The following DTNB variants were observed in gnomAD, a reference collection of about 807,000 sequenced individuals.
DTNB encodes the protein DTN-B.
DTNB carries 63 observed loss-of-function variants against 90.7 expected under a neutral mutation model. The observed-to-expected ratio is 0.69, with a 90% CI of 0.57 to 0.86. DTNB has a LOEUF of 0.86. Among genes scored for constraint, DTNB ranks in the 40% least tolerant of loss-of-function variants. DTNB has a pLI of 0.00. For missense variants in DTNB, 744 were observed against 807.1 expected (o/e 0.92, Z 0.95); for synonymous variants, 277 against 286.7 (o/e 0.97, Z 0.34).
chr2:25,597,587 C>G (rs2064908031), intron 5 of DTNB, among the ~76,000 whole-genome samples: 1 of 151,916 alleles, frequency 6.6e-6, no homozygotes, highest in Admixed American at 6.6e-5. Flanking sequence ...GAAGAAATTA[C>G]CAAAGGAATG....
At chr2:25,462,945 C>T (rs530747172) in intron 10 of DTNB, among the ~76,000 whole-genome samples, 148 of 152,326 alleles carry the variant, frequency 9.7e-4, no homozygotes, top group African/African-American at 3.4e-3. Flanking sequence ...CCTCGTGATC[C>T]ACCCGCCTCG....
In DTNB at chr2:25,451,307, T is replaced by A. The variant is rs2059243364; in HGVS notation, c.1257+241A>T. On this transcript the variant is annotated intron_variant, in intron 12 of 20. Transcript: ENST00000406818. ...GGTGAAAGTGGATATCTCTGAATTG[T>A]TCCCAATATTAGGGGGAAATATTTC... Among the ~76,000 whole-genome samples, 4 of 152,206 alleles carry A rather than the reference T, an allele frequency of 2.6e-5. No homozygotes were observed. The South Asian group carries it at 8.3e-4, about 31-fold the overall frequency.
intron 16 of DTNB, among the ~76,000 whole-genome samples, chr2:25,409,720 T>C (rs1445058947): frequency 6.6e-6 from 1 of 152,214 alleles, no homozygotes; most frequent in Non-Finnish European, 1.5e-5. Flanking sequence ...TGCAACTATC[T>C]GGGCTTCCAA....
At chr2:25,545,264 ATTTC>A (rs142500921) in intron 8 of DTNB, among the ~76,000 whole-genome samples, 15 of 152,082 alleles carry the variant, frequency 9.9e-5, no homozygotes, top group Non-Finnish European at 1.3e-4. Flanking sequence ...TCCCAATTTC[ATTTC>A]TTTAACTTTT....
At chr2:25,435,550 T>C (rs2055457795) in intron 12 of DTNB, among the ~76,000 whole-genome samples, 1 of 152,246 alleles carries the variant, frequency 6.6e-6, no homozygotes, top group Non-Finnish European at 1.5e-5. Context: ...AGTTCACCCA[T>C]GTTGTACCAC....
At chr2:25,383,756 G>C (rs2149511843) in intron 19 of DTNB, 80 bp downstream of exon 19, 1 of 1,613,192 alleles carries the variant, frequency 6.2e-7, no homozygotes, top group Admixed American at 1.7e-5. Context: ...AGGGAGGAAT[G>C]CAGAAACAAA....
At chr2:25,597,170 G>C (rs2064825376) in intron 5 of DTNB, among the ~76,000 whole-genome samples, 1 of 151,714 alleles carries the variant, frequency 6.6e-6, no homozygotes. Context: ...CCCTACAAAA[G>C]AAATTTAAAA....
intron 3 of DTNB, among the ~76,000 whole-genome samples, chr2:25,636,031 A>T (rs921168767): frequency 2.6e-5 from 4 of 152,206 alleles, no homozygotes; most frequent in Non-Finnish European, 4.4e-5. Flanking sequence ...TTCATATTCA[A>T]TGAATGAATA....
chr2:25,584,180 T>A (rs1281489965), intron 6 of DTNB, among the ~76,000 whole-genome samples: 2 of 152,232 alleles, frequency 1.3e-5, no homozygotes, highest in Admixed American at 6.5e-5. Flanking sequence ...TAAGACATTA[T>A]TGGTCTTTTT....
intron 20 of DTNB, among the ~76,000 whole-genome samples, chr2:25,378,874 G>A (rs2036673593): frequency 6.6e-6 from 1 of 152,204 alleles, no homozygotes; most frequent in Non-Finnish European, 1.5e-5. Context: ...GCAGTGCTGG[G>A]TGACAGAATC....
chr2:25,457,538 G>A (rs539730289), intron 10 of DTNB, among the ~76,000 whole-genome samples: 8 of 152,204 alleles, frequency 5.3e-5, no homozygotes, highest in South Asian at 2.1e-4. Flanking sequence ...TCAAGGTACC[G>A]TTCCATTTTC....
chr2:25,394,701 C>G (rs1245858422), intron 16 of DTNB, among the ~76,000 whole-genome samples: 1 of 152,024 alleles, frequency 6.6e-6, no homozygotes, highest in Admixed American at 6.6e-5. Context: ...CTTACTCTTA[C>G]AAGAATGGCA....
At chr2:25,465,708 CCCTCTTT>C (rs1202621524) in intron 10 of DTNB, among the ~76,000 whole-genome samples, 2 of 152,154 alleles carry the variant, frequency 1.3e-5, no homozygotes, top group Non-Finnish European at 2.9e-5. Flanking sequence ...GCCGGCATGG[CCCTCTTT>C]CCTCCTCACA....
intron 12 of DTNB, among the ~76,000 whole-genome samples, chr2:25,439,565 T>C (rs531122991): frequency 6.6e-5 from 10 of 152,212 alleles, no homozygotes; most frequent in Non-Finnish European, 1.2e-4. Flanking sequence ...CTTTGAAATT[T>C]TTCTGTAAAT....
In DTNB at chr2:25,419,552, G is replaced by C; in HGVS notation, c.1555-17C>G. 2 of 1,525,574 alleles carry C rather than the reference G, an allele frequency of 1.3e-6. No individual in the cohort carries two copies. Among genetic ancestry groups the C allele is most frequent in the Non-Finnish European group, 1.8e-6 (2 of 1,135,820 alleles). 94.5% of individuals were successfully genotyped at this position (1,525,574 alleles called of 1,614,324 possible). ...CTCTTCCTCCTGGAGTGTTGAAGAT[G>C]AAAAAAAAAGGCAGAGGAAAAAAGG... On this transcript the variant is annotated splice_polypyrimidine_tract_variant and intron_variant, in intron 15 of 20. Coordinates refer to ENST00000406818, the MANE Select transcript of DTNB (RefSeq NM_021907.5).
At chr2:25,653,261 G>C (rs187276756) in intron 1 of DTNB, 18 of 152,180 alleles carry the variant, frequency 1.2e-4, no homozygotes, top group Admixed American at 9.8e-4. Context: ...CTATTCTCGT[G>C]ACAGTTAATA....
chr2:25,483,943 C>T (rs1433675276), intron 9 of DTNB, among the ~76,000 whole-genome samples: 2 of 152,168 alleles, frequency 1.3e-5, no homozygotes, highest in Non-Finnish European at 2.9e-5. Flanking sequence ...TACATAAATA[C>T]CCTTGTGTAA....
chr2:25,530,941 C>A (rs2078044173), intron 9 of DTNB, among the ~76,000 whole-genome samples: 1 of 152,164 alleles, frequency 6.6e-6, no homozygotes, highest in Non-Finnish European at 1.5e-5. Flanking sequence ...CTTTATTGTT[C>A]TCCTCTAGCT....
intron 8 of DTNB, among the ~76,000 whole-genome samples, chr2:25,540,849 T>G (rs186943422): frequency 1.3e-4 from 19 of 151,976 alleles, no homozygotes; most frequent in African/African-American, 4.6e-4. Context: ...GGCAGCATGC[T>G]CGTTAAGAGT....
Sources: allele counts gnomAD v4.1 joint callset (sites outside exome capture counted in the v4.1 genomes callset), GRCh38; gene constraint gnomAD v4.1.1; transcripts MANE v1.5; gene names NCBI Gene and HGNC (gene_info 2026-07-23, HGNC 2026-07-21).